NPC1L1: variants seen among roughly 807,000 people sequenced by gnomAD.
NPC1L1 encodes the protein NPC1-like intracellular cholesterol transporter 1.
NPC1L1 carries 98 observed loss-of-function variants against 117.0 expected under a neutral mutation model. The observed-to-expected ratio is 0.84, with a 90% CI of 0.71 to 0.99. The LOEUF (loss-of-function observed/expected upper bound fraction) is 0.99, where lower values mean the gene tolerates loss of function less well. Among genes scored for constraint, NPC1L1 ranks in the 50% least tolerant of loss-of-function variants. NPC1L1 has a pLI of 0.00. For missense variants in NPC1L1, 1,540 were observed against 1,710.0 expected, an observed-to-expected ratio of 0.90 and a Z score of 1.75; for synonymous variants, 729 against 727.6, an observed-to-expected ratio of 1.00 and a Z score of -0.03.
In NPC1L1 at chr7:44,536,235, C is replaced by A. The variant is rs377681782; in HGVS notation, c.1854+21G>T. On this transcript the variant is annotated intron_variant, in intron 4 of 18. Transcript: ENST00000381160. This position sits in a 1 kb window ranked among gnomAD's most constrained non-coding sequence, Gnocchi z 4.7. ...ACCACCTGGGTTGCACCCCCAGAGC[C>A]AGGGACCCTGCAGCCCCTACCTCAG... The A allele has an allele frequency of 6.2e-7, 1 of 1,612,528 alleles. No homozygotes were observed. The highest frequency in any genetic ancestry group is 8.5e-7 in the Non-Finnish European group (1 of 1,179,946).
intron 18 of NPC1L1, 79 bp downstream of exon 18, chr7:44,515,724 T>C: frequency 1.3e-6 from 2 of 1,583,762 alleles, no homozygotes; most frequent in Non-Finnish European, 1.7e-6. Flanking sequence ...CTTCCTGAGC[T>C]TTTGTGGTGA....
intron 14 of NPC1L1, among the ~76,000 whole-genome samples, chr7:44,519,585 A>C (rs1044250912): frequency 2.0e-5 from 3 of 152,072 alleles, no homozygotes; most frequent in Non-Finnish European, 1.5e-5. Context: ...TTTCAGTACA[A>C]AGTGAGATCA....
At chr7:44,515,317 G>T (rs539023021) in intron 18 of NPC1L1, among the ~76,000 whole-genome samples, 1 of 152,134 alleles carries the variant, frequency 6.6e-6, no homozygotes, top group Non-Finnish European at 1.5e-5. Context: ...TCATGCTACT[G>T]CACTCCAGCC....
Position 44,513,169 on chromosome 7 carries a change from G to A in NPC1L1, c.*278C>T. The A allele has an allele frequency of 4.0e-6, 2 of 503,256 alleles. No homozygotes were observed. The highest frequency in any genetic ancestry group is 3.2e-5 in the Admixed American group (1 of 30,888). 31.2% of individuals were successfully genotyped at this position (503,256 alleles called of 1,614,324 possible). On this transcript the variant is annotated 3_prime_UTR_variant, in exon 19 of 19. Coordinates refer to ENST00000381160, the MANE Select transcript of NPC1L1 (RefSeq NM_001101648.2). ...AGTGAGTGTGGGACAAACATGGAGT[G>A]TGTCTGTTCCTGCCAACTTCCAGAC...
chr7:44,513,416 C>A lies in NPC1L1; in HGVS notation c.*31G>T, dbSNP rs763799879. 1.9e-6 allele frequency: 3 copies of A among 1,606,140 alleles called. No individual in the cohort carries two copies. Among genetic ancestry groups the A allele is most frequent in the Non-Finnish European group, 2.6e-6 (3 of 1,173,062 alleles). On this transcript the variant is annotated 3_prime_UTR_variant, in exon 19 of 19. Transcript: ENST00000381160. ...ATCCCCATAACCCTTTGGTTCAGGG[C>A]CATAGAGCCTAGACAGGGCCTCTGG...
chr7:44,538,733 A>G lies in NPC1L1; in HGVS notation c.1580+84T>C. 7.3e-7 allele frequency: 1 copy of G among 1,377,090 alleles called. No homozygotes were observed. The highest frequency in any genetic ancestry group is 1.0e-6 in the Non-Finnish European group (1 of 970,254). The allele number at this position is 1,377,090 out of a possible 1,614,324, so 85.3% of individuals were successfully genotyped here. A position where few individuals can be genotyped will look rare whatever the true frequency, so the allele number is the denominator to read the frequency against. On this transcript the variant is annotated intron_variant, in intron 2 of 18. Transcript: ENST00000381160. This position sits in a 1 kb window ranked among gnomAD's most constrained non-coding sequence, Gnocchi z 5.9. ...CCTCTGGTCCTTCAGGACCAGCTGT[A>G]TGCCCGGCCAGGTTCCCAGGAGGCC...
chr7:44,536,326 GCCT>G lies in NPC1L1; in HGVS notation c.1781_1783del (p.Glu594del). 1 of 1,614,242 alleles carries G rather than the reference GCCT, an allele frequency of 6.2e-7. No homozygotes were observed. The highest frequency in any genetic ancestry group is 8.5e-7 in the Non-Finnish European group (1 of 1,180,038). On this transcript the variant is annotated inframe_deletion, in exon 4 of 19. Transcript: ENST00000381160. The surrounding 1 kb of genome is among the most constrained non-coding windows in gnomAD (Gnocchi z 4.7). ...GAAGGCTCGCATTTCCTCTAAGAAGGCCTCCTCCCACAGCTTGGCCTGGGCCAG... is the reference window on the plus strand; with the variant it reads ...GAAGGCTCGCATTTCCTCTAAGAAGGCCTCCCACAGCTTGGCCTGGGCCAG...
intron 2 of NPC1L1, 142 bp from the exon 3 acceptor site, chr7:44,537,084 C>T (rs1020019953): frequency 1.2e-5 from 8 of 659,782 alleles, no homozygotes; most frequent in Admixed American, 2.9e-5. Context: ...TGCAGATAGC[C>T]CAGCTATCTG....
In NPC1L1 at chr7:44,539,930, T is replaced by C; in HGVS notation, c.467A>G (p.Tyr156Cys). ...GAGQLPAVVA[Y>C]EAFYQHSFAE... is the part of the protein sequence containing the mutation. ...AAAGCTATGCTGGTAGAAGGCCTCA[T>C]AGGCCACCACAGCTGGGAGTTGTCC... The change falls in exon 2 of 19, where the codon TAT (tyrosine) becomes TGT (cysteine). Residue 156 changes from tyrosine to cysteine, a missense_variant. Physicochemically the swap from Tyr to Cys is radical, Grantham distance 194 (BLOSUM62 -2). This residue lies in a region of NPC1L1 where 793 missense variants were observed against 820.4 expected (regional missense o/e 0.97). Transcript: ENST00000381160. This position sits in a 1 kb window ranked among gnomAD's most constrained non-coding sequence, Gnocchi z 4.4. 6.2e-7 allele frequency: 1 copy of C among 1,614,192 alleles called. No homozygotes were observed. Among genetic ancestry groups the C allele is most frequent in the Non-Finnish European group, 8.5e-7 (1 of 1,180,034 alleles).
At chr7:44,532,042 T>A (rs1801717998) in intron 9 of NPC1L1, 38 bp downstream of exon 9, 1 of 1,613,832 alleles carries the variant, frequency 6.2e-7, no homozygotes, top group African/African-American at 1.3e-5. Flanking sequence ...GGTCCCCACC[T>A]AGTGCCCCTG....
In NPC1L1 at chr7:44,513,341, C is replaced by T. The variant is rs145396059; in HGVS notation, c.*106G>A. On this transcript the variant is annotated 3_prime_UTR_variant, in exon 19 of 19. Transcript: ENST00000381160. ...TGACAGGCAGTCTCATGGGAATGGC[C>T]TCCCCTAGGATTTGAGGAGGGCGTG... 100 of 1,112,190 alleles carry T rather than the reference C, an allele frequency of 9.0e-5. No individual in the cohort carries two copies. In the African/African-American group the frequency reaches 1.4e-3, roughly 16 times the overall value. The allele number at this position is 1,112,190 out of a possible 1,614,324, so 68.9% of individuals were successfully genotyped here.
intron 10 of NPC1L1, among the ~76,000 whole-genome samples, chr7:44,524,303 C>A (rs922245882): frequency 6.6e-6 from 1 of 152,174 alleles, no homozygotes; most frequent in East Asian, 1.9e-4. Context: ...AGAATCTGAT[C>A]TCCAGAGCTA....
rs1802049267 is a variant in NPC1L1, at chr7:44,540,177, A to C, written c.220T>G (p.Leu74Val). ...RKITGDHLIL[L>V]QKICPRLYTG... ...TAGAGGCGGGGGCAGATCTTCTGTA[A>C]TAGGATCAGGTGATCACCTGTGATC... is the stretch of plus-strand genomic sequence containing the variant. Residue 74 changes from leucine (L) to valine (V), a missense_variant, in exon 2 of 19, where the codon TTA (leucine) becomes GTA (valine). Coordinates refer to ENST00000381160, the MANE Select transcript of NPC1L1 (RefSeq NM_001101648.2). The C allele has an allele frequency of 6.2e-7, 1 of 1,613,512 alleles. No homozygotes were observed. The highest frequency in any genetic ancestry group is 1.3e-5 in the African/African-American group (1 of 74,818).
intron 7 of NPC1L1, 79 bp from the exon 8 acceptor site, chr7:44,533,637 G>C: frequency 6.2e-7 from 1 of 1,609,704 alleles, no homozygotes; most frequent in Non-Finnish European, 8.5e-7. Flanking sequence ...GGTGCAGGGG[G>C]AAGGGAATCT....
intron 1 of NPC1L1, 115 bp from the exon 2 acceptor site, chr7:44,540,457 C>G (rs183224078): frequency 2.1e-6 from 2 of 941,864 alleles, no homozygotes; most frequent in Admixed American, 3.9e-5. Context: ...GGCAGGGAAG[C>G]GGGGAGTGTG....
In NPC1L1 at chr7:44,512,814, A is replaced by G. The variant is rs1423056905; in HGVS notation, c.*633T>C. On this transcript the variant is annotated 3_prime_UTR_variant, in exon 19 of 19. Coordinates refer to ENST00000381160, the MANE Select transcript of NPC1L1 (RefSeq NM_001101648.2). Reference sequence around the variant, plus strand: ...ACCATTTTCCAGGAGGGGCTAATCCATGACCAAGGTGCTTATGAGAGCATC... The same window carrying G: ...ACCATTTTCCAGGAGGGGCTAATCCGTGACCAAGGTGCTTATGAGAGCATC... 1 of 158,294 alleles carries G rather than the reference A, an allele frequency of 6.3e-6. No individual in the cohort carries two copies. Among genetic ancestry groups the G allele is most frequent in the African/African-American group, 2.4e-5 (1 of 41,506 alleles). 9.8% of individuals were successfully genotyped at this position (158,294 alleles called of 1,614,324 possible). A position where few individuals can be genotyped will look rare whatever the true frequency, so the allele number is the denominator to read the frequency against.
At chr7:44,529,110 A>AACACACACACAC (rs59108479) in intron 10 of NPC1L1, among the ~76,000 whole-genome samples, 2 of 123,008 alleles carry the variant, frequency 1.6e-5, no homozygotes, top group Admixed American at 8.4e-5. Context: ...GAATGAATTA[A>AACACACACACAC]ACACACACAC....
At chr7:44,522,841 G>A (rs528622208) in intron 10 of NPC1L1, among the ~76,000 whole-genome samples, 5 of 150,998 alleles carry the variant, frequency 3.3e-5, no homozygotes, top group African/African-American at 7.3e-5. Context: ...CACAGCCACC[G>A]TCTAACAAGC....
intron 2 of NPC1L1, among the ~76,000 whole-genome samples, chr7:44,537,605 AC>A (rs1158134305): frequency 1.3e-5 from 2 of 151,486 alleles, no homozygotes; most frequent in African/African-American, 4.9e-5. Flanking sequence ...AAAGCTCTCT[AC>A]CCCCCTCTCT....
Sources: gnomAD v4.1 joint callset for allele counts (sites outside exome capture counted in the v4.1 genomes callset) on GRCh38, gnomAD v4.1.1 for gene constraint, gnomAD v4.1.1 regional missense constraint, Gnocchi (gnomAD v3.1) non-coding constraint, MANE v1.5 for transcripts, NCBI Gene and HGNC (gene_info 2026-07-23, HGNC 2026-07-21) for gene names.